ANKRD26: variants seen among roughly 807,000 people sequenced by gnomAD.
The protein encoded by ANKRD26 is ankyrin repeat domain 26.
Under a neutral mutation model 208.7 loss-of-function variants are expected in ANKRD26, and 141 were observed. The ratio of observed to expected loss-of-function variants is 0.68; its 90% confidence interval spans 0.59 to 0.78. The LOEUF is 0.78. Ranked by LOEUF, ANKRD26 falls within the 30% of genes least tolerant of loss-of-function variation. The pLI, the probability that ANKRD26 is intolerant of heterozygous loss-of-function variation, is 0.00. For synonymous variants in ANKRD26, 636 were observed against 660.4 expected (o/e 0.96, Z 0.57); for missense variants, 1,889 against 1,938.7 (o/e 0.97, Z 0.48).
chr10:27,006,184 A>G (rs1462099406), intron 33 of ANKRD26, among the ~76,000 whole-genome samples: 1 of 152,212 alleles, frequency 6.6e-6, no homozygotes, highest in African/African-American at 2.4e-5. Flanking sequence ...TGGAGGCAAT[A>G]TGTAGACTGA....
intron 4 of ANKRD26, among the ~76,000 whole-genome samples, chr10:26,980,896 A>G (rs1003616092): frequency 2.0e-5 from 3 of 152,124 alleles, no homozygotes; most frequent in African/African-American, 4.8e-5. Context: ...TTTCTTTAAG[A>G]GAGATAAAGC....
At chr10:27,082,073 A>G (rs889847046) in intron 6 of ANKRD26, among the ~76,000 whole-genome samples, 11 of 28,196 alleles carry the variant, frequency 3.9e-4, no homozygotes, top group East Asian at 3.1e-3. Context: ...AAAAAAAAAA[A>G]AGGGAGAGAG....
At chr10:26,972,122 C>T (rs562899774), downstream of ANKRD26, among the ~76,000 whole-genome samples, 10 of 151,766 alleles carry the variant, frequency 6.6e-5, no homozygotes, top group East Asian at 1.2e-3. Context: ...GTAGTCCCAG[C>T]TACTCGGGAG....
At chr10:27,057,708 A>G (rs2054887250) in intron 15 of ANKRD26, among the ~76,000 whole-genome samples, 1 of 152,122 alleles carries the variant, frequency 6.6e-6, no homozygotes, top group South Asian at 2.1e-4. Context: ...GGAGGCCAAG[A>G]TGGGTGGATC....
chr10:26,955,238 G>A, the ANKRD26 span, among the ~76,000 whole-genome samples: 1 of 151,930 alleles, frequency 6.6e-6, no homozygotes, highest in Non-Finnish European at 1.5e-5. Context: ...AGACCAGCCT[G>A]ACCAACATGG....
At chr10:27,007,560 G>A (rs2052934200) in intron 32 of ANKRD26, among the ~76,000 whole-genome samples, 1 of 152,206 alleles carries the variant, frequency 6.6e-6, no homozygotes, top group South Asian at 2.1e-4. Flanking sequence ...GGAGGCGGAG[G>A]CAGGAGAATT....
At chr10:26,958,073 T>TTA in the ANKRD26 span, among the ~76,000 whole-genome samples, 3,113 of 144,160 alleles carry the variant, frequency 0.022, 31 homozygotes, top group African/African-American at 0.029. Context: ...TCACCCAGTT[T>TTA]TATATATATA....
At chr10:27,040,598 T>C (rs964029073) in intron 20 of ANKRD26, among the ~76,000 whole-genome samples, 1 of 152,092 alleles carries the variant, frequency 6.6e-6, no homozygotes, top group Non-Finnish European at 1.5e-5. Flanking sequence ...GTGCTGAGGC[T>C]CTACTGCAGT....
At chr10:26,966,446 A>G in the ANKRD26 span, among the ~76,000 whole-genome samples, 50,305 of 152,036 alleles carry the variant, frequency 0.33, 10,592 homozygotes, top group Non-Finnish European at 0.47. Context: ...ACACATGGAT[A>G]CAGGGAGGGA....
rs1346289941 is a variant in ANKRD26 at position 27,033,210 on chromosome 10, A to G, written c.3807+15T>C. On this transcript the variant is annotated intron_variant, in intron 25 of 33. Coordinates refer to ENST00000376087, the MANE Select transcript of ANKRD26 (RefSeq NM_014915.3). ...TTATAGATTAACTGTTTGACATGTT[A>G]AATTTCATACATACTTGATTTCTGA... is the stretch of plus-strand genomic sequence containing the variant. The G allele has an allele frequency of 1.9e-6, 3 of 1,598,460 alleles. No individual in the cohort carries two copies. The highest frequency in any genetic ancestry group is 2.2e-5 in the East Asian group (1 of 44,554).
the ANKRD26 span, among the ~76,000 whole-genome samples, chr10:26,951,912 C>A: frequency 6.6e-6 from 1 of 152,240 alleles, no homozygotes; most frequent in Non-Finnish European, 1.5e-5. Flanking sequence ...GCATGCATGA[C>A]TTTCCTACTA....
At chr10:27,056,985 T>A (rs1285722432) in intron 15 of ANKRD26, among the ~76,000 whole-genome samples, 1 of 152,190 alleles carries the variant, frequency 6.6e-6, no homozygotes, top group Non-Finnish European at 1.5e-5. Context: ...TTGTCCCAGT[T>A]CTGCGGATGC....
chr10:27,042,479 C>A (rs547941163), intron 20 of ANKRD26, among the ~76,000 whole-genome samples: 1 of 152,068 alleles, frequency 6.6e-6, no homozygotes, highest in East Asian at 1.9e-4. Flanking sequence ...GCTGGCAGGG[C>A]GTGGTGGCTC....
intron 20 of ANKRD26, 129 bp downstream of exon 20, chr10:27,043,297 G>T: frequency 1.0e-6 from 1 of 991,250 alleles, no homozygotes; most frequent in Non-Finnish European, 1.6e-6. Context: ...CTTCAGCTTT[G>T]CACAGTGGCA....
the ANKRD26 span, among the ~76,000 whole-genome samples, chr10:26,964,681 T>C: frequency 2.0e-5 from 3 of 152,202 alleles, no homozygotes; most frequent in African/African-American, 7.2e-5. Context: ...TGAGGTTGTA[T>C]AGTGTAGAGA....
At chr10:27,047,739 A>T (rs11015481) in intron 17 of ANKRD26, among the ~76,000 whole-genome samples, 9,018 of 48,950 alleles carry the variant, frequency 0.18, 405 homozygotes, top group Middle Eastern at 0.26. Flanking sequence ...TAATAATAAT[A>T]ATTATTATTA....
intron 4 of ANKRD26, among the ~76,000 whole-genome samples, chr10:27,091,289 T>C (rs1300987676): frequency 6.6e-6 from 1 of 152,164 alleles, no homozygotes; most frequent in East Asian, 1.9e-4. Context: ...TCCCCAAGCT[T>C]ACACACTTAA....
chr10:27,013,569 CAATT>C (rs1251054378), intron 31 of ANKRD26, among the ~76,000 whole-genome samples: 1 of 152,108 alleles, frequency 6.6e-6, no homozygotes, highest in African/African-American at 2.4e-5. Context: ...TTGATACATA[CAATT>C]AATAAAACTA....
intron 1 of ANKRD26, among the ~76,000 whole-genome samples, chr10:27,096,691 GGGA>G (rs1183605651): frequency 1.3e-5 from 2 of 148,506 alleles, no homozygotes; most frequent in African/African-American, 5.0e-5. Flanking sequence ...GCTTGAACCT[GGGA>G]GGAGAAGGTT....
Sources: gnomAD v4.1 joint callset for allele counts (sites outside exome capture counted in the v4.1 genomes callset) on GRCh38, gnomAD v4.1.1 for gene constraint, MANE v1.5 for transcripts, NCBI Gene and HGNC (gene_info 2026-07-23, HGNC 2026-07-21) for gene names.